The following CYP7B1 variants were observed in gnomAD, a reference collection of about 807,000 sequenced individuals.
CYP7B1 encodes the protein cytochrome P450 7B1.
Under a neutral mutation model 42.7 loss-of-function variants are expected in CYP7B1, and 29 were observed. The ratio of observed to expected loss-of-function variants is 0.68; its 90% CI spans 0.51 to 0.93. The LOEUF is 0.93. CYP7B1 is among the 40% of genes least tolerant of loss of function. The pLI, the probability that CYP7B1 is intolerant of heterozygous loss-of-function variation, is 0.00. For missense variants in CYP7B1, 655 were observed against 600.5 expected, an observed-to-expected ratio of 1.09 and a Z score of -0.95; for synonymous variants, 235 against 218.2, an observed-to-expected ratio of 1.08 and a Z score of -0.68.
intron 1 of CYP7B1, among the ~76,000 whole-genome samples, chr8:64,760,285 T>C (rs959888880): frequency 1.3e-5 from 2 of 152,060 alleles, no homozygotes; most frequent in African/African-American, 4.8e-5. Context: ...GAAAAGCTCC[T>C]TGACATTGGT....
chr8:64,752,704 C>G (rs961109540), intron 1 of CYP7B1, among the ~76,000 whole-genome samples: 2 of 152,100 alleles, frequency 1.3e-5, no homozygotes, highest in African/African-American at 4.8e-5. Flanking sequence ...ATATGTAAGT[C>G]TATACATGTA....
At chr8:64,777,424 C>A (rs1479989178) in intron 1 of CYP7B1, among the ~76,000 whole-genome samples, 1 of 151,900 alleles carries the variant, frequency 6.6e-6, no homozygotes, top group African/African-American at 2.4e-5. Flanking sequence ...CCATTTTTGT[C>A]TAATTAAGAA....
chr8:64,767,794 A>G (rs892680791), intron 1 of CYP7B1, among the ~76,000 whole-genome samples: 60 of 152,338 alleles, frequency 3.9e-4, no homozygotes, highest in African/African-American at 1.3e-3. Flanking sequence ...TCAAAGCTGT[A>G]AAACTACAAA....
At chr8:64,717,438 C>T (rs191642227) in intron 1 of CYP7B1, among the ~76,000 whole-genome samples, 3 of 152,284 alleles carry the variant, frequency 2.0e-5, no homozygotes, top group African/African-American at 7.2e-5. Flanking sequence ...TTTAATGAAA[C>T]AAAATAGTAT....
intron 2 of CYP7B1, among the ~76,000 whole-genome samples, chr8:64,619,932 T>TA (rs571635086): frequency 6.6e-6 from 1 of 151,562 alleles, no homozygotes; most frequent in African/African-American, 2.4e-5. Context: ...AAATGTCCTG[T>TA]AAAAAAAATA....
chr8:64,595,301 T>G lies in CYP7B1; in HGVS notation c.*1341A>C, dbSNP rs1805100471. On this transcript the variant is annotated 3_prime_UTR_variant, in exon 6 of 6. Coordinates refer to ENST00000310193, the MANE Select transcript of CYP7B1 (RefSeq NM_004820.5). ...ATGCTAGACTGTCTTATTTACTTAC[T>G]AAGAATGTAAATATTTTGTAATGTT... Among the ~76,000 whole-genome samples, 1 of 152,264 alleles carries G rather than the reference T, an allele frequency of 6.6e-6. No individual in the cohort carries two copies. Among genetic ancestry groups the G allele is most frequent in the Non-Finnish European group, 1.5e-5 (1 of 68,044 alleles).
chr8:64,776,875 G>A (rs1804335171), intron 1 of CYP7B1, among the ~76,000 whole-genome samples: 1 of 152,064 alleles, frequency 6.6e-6, no homozygotes, highest in Admixed American at 6.6e-5. Context: ...AACAGGACTT[G>A]CAAAGTGCCC....
intron 1 of CYP7B1, among the ~76,000 whole-genome samples, chr8:64,775,979 T>C (rs1004856831): frequency 6.6e-6 from 1 of 152,160 alleles, no homozygotes; most frequent in Non-Finnish European, 1.5e-5. Flanking sequence ...TGACAAATGT[T>C]GTCATGCCAT....
At chr8:64,689,061 T>C (rs542008627) in intron 1 of CYP7B1, among the ~76,000 whole-genome samples, 118 of 152,396 alleles carry the variant, frequency 7.7e-4, no homozygotes, top group African/African-American at 2.6e-3. Context: ...TAGATGTGTC[T>C]TTCTTTACTT....
At chr8:64,600,255 T>C (rs1202813759) in intron 5 of CYP7B1, among the ~76,000 whole-genome samples, 1 of 152,188 alleles carries the variant, frequency 6.6e-6, no homozygotes, top group East Asian at 1.9e-4. Flanking sequence ...ATTTTGGTAT[T>C]CGTGACAAAG....
Position 64,593,598 on chromosome 8 carries a change from A to C in CYP7B1, c.*3044T>G, listed in dbSNP as rs13276281. On this transcript the variant is annotated 3_prime_UTR_variant, in exon 6 of 6. Transcript: ENST00000310193. ...TTTGGTAGTAGTATCAGCAGTCTGA[A>C]AAATGCAAATACAAATTCTCTCTTG... Among the ~76,000 whole-genome samples, 143,922 of 152,196 alleles carry C rather than the reference A, an allele frequency of 0.95. 68,160 individuals carry two copies. The highest frequency in any genetic ancestry group is 0.99 in the African/African-American group (41,018 of 41,556).
chr8:64,646,403 A>G (rs1805955292), intron 1 of CYP7B1, among the ~76,000 whole-genome samples: 1 of 152,238 alleles, frequency 6.6e-6, no homozygotes. Context: ...ATGAGCAGAC[A>G]CTTCTCAAAA....
At chr8:64,746,856 C>T (rs1169642711) in intron 1 of CYP7B1, among the ~76,000 whole-genome samples, 1 of 152,004 alleles carries the variant, frequency 6.6e-6, no homozygotes, top group Non-Finnish European at 1.5e-5. Context: ...TTATTAGTAA[C>T]TACCTTCTGT....
intron 2 of CYP7B1, among the ~76,000 whole-genome samples, chr8:64,616,746 C>T (rs1290495514): frequency 6.6e-6 from 1 of 152,168 alleles, no homozygotes; most frequent in Non-Finnish European, 1.5e-5. Flanking sequence ...ACAATTTTAA[C>T]TCAAATAAAT....
chr8:64,763,593 G>T (rs528550759), intron 1 of CYP7B1, among the ~76,000 whole-genome samples: 1 of 152,322 alleles, frequency 6.6e-6, no homozygotes, highest in East Asian at 1.9e-4. Context: ...AAAACAATTA[G>T]CACGGCTGCC....
At chr8:64,662,596 A>G (rs927444954) in intron 1 of CYP7B1, among the ~76,000 whole-genome samples, 1 of 152,212 alleles carries the variant, frequency 6.6e-6, no homozygotes, top group Non-Finnish European at 1.5e-5. Flanking sequence ...TTTGCTGATT[A>G]AAACCCCTAT....
chr8:64,635,971 TTTG>T lies in CYP7B1; in HGVS notation c.123-11435_123-11433del, dbSNP rs763896131. Among the ~76,000 whole-genome samples, 6 of 152,170 alleles carry T rather than the reference TTTG, an allele frequency of 3.9e-5. No homozygotes were observed. In the South Asian group the frequency reaches 6.2e-4, roughly 16 times the overall value. On this transcript the variant is annotated intron_variant, in intron 1 of 5. Coordinates refer to ENST00000310193, the MANE Select transcript of CYP7B1 (RefSeq NM_004820.5). ...GATTTCAACCAGAGAAGTCTAGAAC[TTTG>T]TTGTTGTTGTTGTTTCTAATCTGGG...
intron 1 of CYP7B1, among the ~76,000 whole-genome samples, chr8:64,745,987 C>A (rs745681762): frequency 1.4e-4 from 21 of 152,040 alleles, no homozygotes; most frequent in Non-Finnish European, 1.6e-4. Flanking sequence ...GTGAAAGCCC[C>A]TGAGTCAACC....
chr8:64,659,561 A>T (rs1194942934), intron 1 of CYP7B1, among the ~76,000 whole-genome samples: 1 of 152,240 alleles, frequency 6.6e-6, no homozygotes, highest in Non-Finnish European at 1.5e-5. Flanking sequence ...TCCTATTGAT[A>T]CATACTTAGA....
Sources: allele counts gnomAD v4.1 joint callset (sites outside exome capture counted in the v4.1 genomes callset), GRCh38; gene constraint gnomAD v4.1.1; transcripts MANE v1.5; gene names NCBI Gene and HGNC (gene_info 2026-07-23, HGNC 2026-07-21).